Variants in FGF5 observed in about 807,000 individuals in gnomAD.
FGF5 encodes the protein heparin-binding growth factor 5.
In FGF5, 23 loss-of-function variants were observed where a neutral mutation model predicts 21.8. The observed-to-expected ratio is 1.05, with a 90% CI of 0.76 to 1.49. The LOEUF is 1.49. Among genes scored for constraint, FGF5 ranks in the 40% most tolerant of loss-of-function variants. The probability of loss-of-function intolerance (pLI) is 0.00; values close to 1 mark genes in which losing one functional copy is unlikely to be tolerated. For synonymous variants in FGF5, 158 were observed against 124.0 expected (o/e 1.27, Z -1.82); for missense variants, 352 against 332.9 (o/e 1.06, Z -0.45).
At chr4:80,267,604 A>AT (rs1361471956) in intron 1 of FGF5, among the ~76,000 whole-genome samples, 6 of 152,194 alleles carry the variant, frequency 3.9e-5, no homozygotes. Context: ...AACTGAAGTT[A>AT]TTTTTTGAAA....
chr4:80,274,438 TAGAGG>T (rs1720354615), intron 1 of FGF5, among the ~76,000 whole-genome samples: 1 of 151,940 alleles, frequency 6.6e-6, no homozygotes, highest in African/African-American at 2.4e-5. Context: ...ATAATTAGAG[TAGAGG>T]AATTTATTTA....
In FGF5 at chr4:80,274,929, G is replaced by T; in HGVS notation, c.376G>T (p.Val126Leu). The T allele has an allele frequency of 6.3e-7, 1 of 1,578,034 alleles. No homozygotes were observed. Among genetic ancestry groups the T allele is most frequent in the Non-Finnish European group, 8.7e-7 (1 of 1,152,928 alleles). The change falls in exon 2 of 3, where the codon GTG (valine) becomes TTG (leucine). Residue 126 changes from valine (V) to leucine (L), a missense_variant. Coordinates refer to ENST00000312465, the MANE Select transcript of FGF5 (RefSeq NM_004464.4). ...CCTAGGTGTTTTGGAAATATTTGCT[G>T]TGTCTCAGGGGATTGTAGGAATACG... ...NMLSVLEIFA[V>L]SQGIVGIRGV...
At chr4:80,286,207 G>A in intron 2 of FGF5, 118 bp from the exon 3 acceptor site, 1 of 654,586 alleles carries the variant, frequency 1.5e-6, no homozygotes, top group Non-Finnish European at 2.6e-6. Flanking sequence ...AAAAGGAATT[G>A]AGTAGGAGGA....
chr4:80,270,836 C>T (rs1255542296), intron 1 of FGF5, among the ~76,000 whole-genome samples: 1 of 152,166 alleles, frequency 6.6e-6, no homozygotes, highest in Non-Finnish European at 1.5e-5. Flanking sequence ...GATGTTACTG[C>T]TTTTTAAAAA....
intron 1 of FGF5, among the ~76,000 whole-genome samples, chr4:80,272,231 T>C (rs540256068): frequency 6.6e-6 from 1 of 152,326 alleles, no homozygotes; most frequent in South Asian, 2.1e-4. Flanking sequence ...TTTTAAGCTT[T>C]CAGTTAAAGA....
intron 1 of FGF5, among the ~76,000 whole-genome samples, chr4:80,269,411 T>G (rs1211496581): frequency 1.3e-5 from 2 of 152,070 alleles, no homozygotes; most frequent in African/African-American, 2.4e-5. Flanking sequence ...GAAGGTAGTT[T>G]TACAGCTTAG....
intron 1 of FGF5, among the ~76,000 whole-genome samples, chr4:80,270,458 T>G (rs1459696818): frequency 6.6e-6 from 1 of 152,240 alleles, no homozygotes; most frequent in Non-Finnish European, 1.5e-5. Flanking sequence ...TTTGTTTAGT[T>G]TACATGGACC....
At chr4:80,285,312 T>C (rs2109929757) in intron 2 of FGF5, among the ~76,000 whole-genome samples, 1 of 152,260 alleles carries the variant, frequency 6.6e-6, no homozygotes. Flanking sequence ...TAGGTAGAGG[T>C]CACGCTGAAC....
At position 80,290,807 on chromosome 4, in the gene FGF5, C is replaced by A. The variant is rs546407478; in HGVS notation, c.*4135C>A. ...TGTGGTGTTTGGTTTTTGGTCCTTG[C>A]AATAGTTTGCTGAGAATGATGGTTT... On this transcript the variant is annotated 3_prime_UTR_variant, in exon 3 of 3. Transcript: ENST00000312465. 1 of 152,048 alleles carries A rather than the reference C, an allele frequency of 6.6e-6. No individual in the cohort carries two copies. Among genetic ancestry groups the A allele is most frequent in the African/African-American group, 2.4e-5 (1 of 41,400 alleles). 9.4% of individuals were successfully genotyped at this position (152,048 alleles called of 1,614,324 possible).
chr4:80,283,209 A>G (rs1210530011), intron 2 of FGF5, among the ~76,000 whole-genome samples: 1 of 152,222 alleles, frequency 6.6e-6, no homozygotes, highest in Non-Finnish European at 1.5e-5. Context: ...TTACTCCCGT[A>G]TTAATGTAGA....
At chr4:80,267,601 G>C (rs528138768) in intron 1 of FGF5, among the ~76,000 whole-genome samples, 1 of 152,148 alleles carries the variant, frequency 6.6e-6, no homozygotes, top group Admixed American at 6.5e-5. Context: ...CATAACTGAA[G>C]TTATTTTTTG....
At chr4:80,272,732 T>C (rs1029478149) in intron 1 of FGF5, among the ~76,000 whole-genome samples, 1 of 152,138 alleles carries the variant, frequency 6.6e-6, no homozygotes, top group South Asian at 2.1e-4. Context: ...ATGAGTAAAT[T>C]GGAGGAAATA....
At chr4:80,269,087 T>C (rs1238372363) in intron 1 of FGF5, among the ~76,000 whole-genome samples, 1 of 151,950 alleles carries the variant, frequency 6.6e-6, no homozygotes, top group Non-Finnish European at 1.5e-5. Flanking sequence ...ACCCGTGGAG[T>C]CATTGGTCTG....
At chr4:80,268,328 C>T (rs34276156) in intron 1 of FGF5, 11 of 260,562 alleles carry the variant, frequency 4.2e-5, no homozygotes, top group Admixed American at 1.9e-4. Context: ...CCAGCCAGGG[C>T]CTGTCAGGTA....
chr4:80,281,078 C>T (rs563057099), intron 2 of FGF5, among the ~76,000 whole-genome samples: 1 of 152,090 alleles, frequency 6.6e-6, no homozygotes, highest in Non-Finnish European at 1.5e-5. Flanking sequence ...ATAGAAGGAA[C>T]GAATGTCCAG....
intron 2 of FGF5, among the ~76,000 whole-genome samples, chr4:80,280,742 G>A (rs1720529849): frequency 1.3e-5 from 2 of 152,148 alleles, no homozygotes; most frequent in Non-Finnish European, 2.9e-5. Context: ...GCTATATGGA[G>A]TTATTAAGGG....
chr4:80,288,432 A>T lies in FGF5; in HGVS notation c.*1760A>T, dbSNP rs1476113837. 6.6e-6 allele frequency: 1 copy of T among 152,186 alleles called. No homozygotes were observed. The highest frequency in any genetic ancestry group is 1.5e-5 in the Non-Finnish European group (1 of 68,020). The allele number at this position is 152,186 out of a possible 1,614,324, so 9.4% of individuals were successfully genotyped here. ...AATTATCTGATTAAGCATTCTTTCC[A>T]CTGAATGCATAATGTTTAAATAGCA... On this transcript the variant is annotated 3_prime_UTR_variant, in exon 3 of 3. Coordinates refer to ENST00000312465, the MANE Select transcript of FGF5 (RefSeq NM_004464.4).
chr4:80,268,696 C>G (rs551320267), intron 1 of FGF5: 5 of 251,974 alleles, frequency 2.0e-5, no homozygotes, highest in Non-Finnish European at 3.1e-5. Flanking sequence ...TCTATCTGAT[C>G]GCGCTGATTC....
intron 1 of FGF5, among the ~76,000 whole-genome samples, chr4:80,269,351 C>T (rs1720204398): frequency 6.6e-6 from 1 of 152,136 alleles, no homozygotes; most frequent in Admixed American, 6.5e-5. Context: ...GAAAGCAAGG[C>T]TCATTCCCAG....
Sources: gnomAD v4.1 joint callset for allele counts (sites outside exome capture counted in the v4.1 genomes callset) on GRCh38, gnomAD v4.1.1 for gene constraint, MANE v1.5 for transcripts, NCBI Gene and HGNC (gene_info 2026-07-23, HGNC 2026-07-21) for gene names.